KLF15: variants seen among roughly 807,000 people sequenced by gnomAD.
KLF15 encodes Krueppel-like factor 15.
KLF15 carries 4 observed loss-of-function variants against 24.6 expected under a neutral mutation model. The ratio of observed to expected loss-of-function variants is 0.16; its 90% confidence interval spans 0.08 to 0.37. KLF15 has a LOEUF of 0.37. Among genes scored for constraint, KLF15 ranks in the 10% least tolerant of loss-of-function variants. The pLI, the probability that KLF15 is intolerant of heterozygous loss-of-function variation, is 1.00. For synonymous variants in KLF15, 246 were observed against 236.3 expected, an observed-to-expected ratio of 1.04 and a Z score of -0.37; for missense variants, 496 against 560.6, an observed-to-expected ratio of 0.88 and a Z score of 1.16.
chr3:126,334,271 C>T, the KLF15 span, among the ~76,000 whole-genome samples: 2 of 151,000 alleles, frequency 1.3e-5, no homozygotes, highest in Non-Finnish European at 2.9e-5. Flanking sequence ...AAGAATCTCA[C>T]TCAAAGCCGC....
At chr3:126,341,189 G>A (rs141843040), downstream of KLF15, among the ~76,000 whole-genome samples, 1 of 152,256 alleles carries the variant, frequency 6.6e-6, no homozygotes, top group Non-Finnish European at 1.5e-5. Context: ...ATGTGTGCAC[G>A]TACACACAAT....
At chr3:126,330,162 G>A in the KLF15 span, among the ~76,000 whole-genome samples, 8 of 152,186 alleles carry the variant, frequency 5.3e-5, no homozygotes, top group African/African-American at 9.6e-5. Context: ...TGAGCAACAT[G>A]GAGCAGAGCC....
chr3:126,299,681 G>A, the KLF15 span, among the ~76,000 whole-genome samples: 7 of 149,332 alleles, frequency 4.7e-5, no homozygotes, highest in Non-Finnish European at 1.0e-4. Flanking sequence ...CCTGGGAGGC[G>A]GAGCTTGCAG....
At chr3:126,307,270 T>G in the KLF15 span, among the ~76,000 whole-genome samples, 1 of 152,094 alleles carries the variant, frequency 6.6e-6, no homozygotes, top group Non-Finnish European at 1.5e-5. Context: ...ACCGGGCTCC[T>G]CCATGTCCAG....
the KLF15 span, among the ~76,000 whole-genome samples, chr3:126,306,742 T>C: frequency 6.6e-6 from 1 of 152,156 alleles, no homozygotes; most frequent in Non-Finnish European, 1.5e-5. Context: ...CACTGGGAGG[T>C]TGTCTGCACT....
At chr3:126,331,073 A>T in the KLF15 span, among the ~76,000 whole-genome samples, 6 of 152,200 alleles carry the variant, frequency 3.9e-5, no homozygotes, top group Non-Finnish European at 7.3e-5. Flanking sequence ...GGCAGCACAG[A>T]GGCAGGGTAG....
chr3:126,296,268 C>T, the KLF15 span, among the ~76,000 whole-genome samples: 3 of 152,272 alleles, frequency 2.0e-5, no homozygotes, highest in African/African-American at 4.8e-5. Context: ...AGTACAGTGG[C>T]GTGATCTCTG....
At chr3:126,306,604 C>T in the KLF15 span, among the ~76,000 whole-genome samples, 343 of 152,372 alleles carry the variant, frequency 2.3e-3, 1 homozygote, top group African/African-American at 6.1e-3. Flanking sequence ...CACACATGCA[C>T]GTGCACACAT....
In KLF15 at chr3:126,352,541, C is replaced by G. The variant is rs1177036097; in HGVS notation, c.382G>C (p.Gly128Arg). The G allele has an allele frequency of 6.2e-7, 1 of 1,612,994 alleles. No individual in the cohort carries two copies. Among genetic ancestry groups the G allele is most frequent in the East Asian group, 2.2e-5 (1 of 44,862 alleles). The change falls in exon 2 of 3, where the codon GGT (glycine) becomes CGT (arginine). Residue 128 changes from glycine (G) to arginine (R), a missense_variant. Around this residue, in one of 3 missense-constraint regions of KLF15, gnomAD observed 399 missense variants for 423.1 expected, o/e 0.94. Coordinates refer to ENST00000296233, the MANE Select transcript of KLF15 (RefSeq NM_014079.4). Reference sequence around the variant, plus strand: ...GGCCGTGGGACGTCATCAGGATCACCCAAAGGAAACTCGGGCAAGCAGAAA... The same window carrying G: ...GGCCGTGGGACGTCATCAGGATCACGCAAAGGAAACTCGGGCAAGCAGAAA... ...EHFCLPEFPL[G>R]DPDDVPRPFQ...
the KLF15 span, among the ~76,000 whole-genome samples, chr3:126,299,134 G>A: frequency 6.6e-6 from 1 of 152,022 alleles, no homozygotes; most frequent in Admixed American, 6.6e-5. Flanking sequence ...TGTCATCTAT[G>A]ATTTCTTTCA....
the KLF15 span, among the ~76,000 whole-genome samples, chr3:126,335,405 G>A: frequency 7.2e-6 from 1 of 139,080 alleles, no homozygotes; most frequent in East Asian, 2.2e-4. Flanking sequence ...AATAAATTAG[G>A]TATTGATGGG....
chr3:126,315,188 A>G, the KLF15 span, among the ~76,000 whole-genome samples: 53,708 of 151,976 alleles, frequency 0.35, 10,533 homozygotes, highest in Non-Finnish European at 0.45. Context: ...TTATAAGGAC[A>G]CCAGTCATAT....
the KLF15 span, among the ~76,000 whole-genome samples, chr3:126,329,880 AT>A: frequency 7.3e-6 from 1 of 136,938 alleles, no homozygotes; most frequent in Non-Finnish European, 1.6e-5. Flanking sequence ...GTTGCTTGTG[AT>A]TTTTCTTCCT....
chr3:126,294,343 A>G, the KLF15 span, among the ~76,000 whole-genome samples: 1 of 152,100 alleles, frequency 6.6e-6, no homozygotes, highest in Non-Finnish European at 1.5e-5. Context: ...ACACAGAGAC[A>G]CTGTTTGTGC....
chr3:126,297,743 G>A, the KLF15 span, among the ~76,000 whole-genome samples: 89 of 151,942 alleles, frequency 5.9e-4, no homozygotes, highest in Non-Finnish European at 1.0e-3. Flanking sequence ...ATTATTCATG[G>A]CCTCCAGCTC....
chr3:126,343,632 A>AT lies in KLF15; in HGVS notation c.*94dup. On this transcript the variant is annotated 3_prime_UTR_variant, in exon 3 of 3. Coordinates refer to ENST00000296233, the MANE Select transcript of KLF15 (RefSeq NM_014079.4). ...CAGAAGGTGGGCTGGTAACATTGCC[A>AT]TGTCCCTCTGGAGGAGGCAAATAAA... The AT allele has an allele frequency of 7.9e-7, 1 of 1,266,248 alleles. No homozygotes were observed. 78.4% of individuals were successfully genotyped at this position (1,266,248 alleles called of 1,614,324 possible). A position where few individuals can be genotyped will look rare whatever the true frequency, so the allele number is the denominator to read the frequency against.
At chr3:126,353,122 C>T (rs1229269386) in intron 1 of KLF15, among the ~76,000 whole-genome samples, 175 bp from the exon 2 acceptor site, 1 of 152,232 alleles carries the variant, frequency 6.6e-6, no homozygotes, top group Non-Finnish European at 1.5e-5. Flanking sequence ...TGAAATTGCA[C>T]CACCTGTTTG....
chr3:126,292,903 G>A, the KLF15 span, among the ~76,000 whole-genome samples: 3 of 152,088 alleles, frequency 2.0e-5, no homozygotes, highest in Non-Finnish European at 4.4e-5. Context: ...AAAAGGCTCA[G>A]TTGTCTGCCT....
At chr3:126,307,938 C>T in the KLF15 span, among the ~76,000 whole-genome samples, 1 of 152,128 alleles carries the variant, frequency 6.6e-6, no homozygotes, top group African/African-American at 2.4e-5. Flanking sequence ...TCCGTGTCTC[C>T]AGCCATGGGG....
Sources: allele counts gnomAD v4.1 joint callset (sites outside exome capture counted in the v4.1 genomes callset), GRCh38; gene constraint gnomAD v4.1.1; regional missense constraint gnomAD v4.1.1; transcripts MANE v1.5; gene names NCBI Gene and HGNC (gene_info 2026-07-23, HGNC 2026-07-21).